Variants in TENM3 observed in about 807,000 individuals in gnomAD.
TENM3 encodes teneurin transmembrane protein 3, also known as teneurin-3.
Under a neutral mutation model 255.1 loss-of-function variants are expected in TENM3, and 63 were observed. The ratio of observed to expected loss-of-function variants is 0.25; its 90% CI spans 0.20 to 0.30. The LOEUF (loss-of-function observed/expected upper bound fraction) is 0.30, where lower values mean the gene tolerates loss of function less well. TENM3 is among the 10% of genes least tolerant of loss of function. The pLI is 1.00. For synonymous variants in TENM3, 1,306 were observed against 1,322.3 expected, an observed-to-expected ratio of 0.99 and a Z score of 0.27; for missense variants, 2,929 against 3,461.1, an observed-to-expected ratio of 0.85 and a Z score of 3.86.
At chr4:182,634,947 G>T (rs1001381470) in intron 5 of TENM3, among the ~76,000 whole-genome samples, 1 of 152,094 alleles carries the variant, frequency 6.6e-6, no homozygotes, top group Non-Finnish European at 1.5e-5. Flanking sequence ...CATTATTGAC[G>T]CATTGCTACA....
intron 12 of TENM3, among the ~76,000 whole-genome samples, chr4:182,699,571 C>A (rs1757686858): frequency 6.6e-6 from 1 of 152,042 alleles, no homozygotes; most frequent in Non-Finnish European, 1.5e-5. Flanking sequence ...ATATGCCAGG[C>A]CAGAAATTTA....
At chr4:182,650,488 T>C (rs1753156599) in intron 5 of TENM3, among the ~76,000 whole-genome samples, 1 of 150,142 alleles carries the variant, frequency 6.7e-6, no homozygotes, top group Admixed American at 6.7e-5. Flanking sequence ...TTTGGCGAAT[T>C]TTCCCTTTTT....
the TENM3 span, among the ~76,000 whole-genome samples, chr4:181,841,589 T>C: frequency 6.6e-6 from 1 of 152,218 alleles, no homozygotes; most frequent in Non-Finnish European, 1.5e-5. Context: ...TCTTTCTTTA[T>C]AGTATTCTTC....
the TENM3 span, among the ~76,000 whole-genome samples, chr4:181,758,156 G>A: frequency 6.6e-6 from 1 of 152,144 alleles, no homozygotes; most frequent in Non-Finnish European, 1.5e-5. Flanking sequence ...AGAATGTGAC[G>A]ATGGATGGAC....
At chr4:181,881,518 G>A in the TENM3 span, among the ~76,000 whole-genome samples, 6 of 152,084 alleles carry the variant, frequency 3.9e-5, no homozygotes, top group Admixed American at 2.0e-4. Flanking sequence ...ATTCATATTT[G>A]TTGACCACAT....
chr4:182,282,263 G>A (rs904883366), intron 1 of TENM3, among the ~76,000 whole-genome samples: 1 of 152,142 alleles, frequency 6.6e-6, no homozygotes, highest in Admixed American at 6.5e-5. Flanking sequence ...ACATTAGGAG[G>A]GATGGGCATC....
chr4:182,171,048 T>G (rs1007175513), intron 1 of TENM3, among the ~76,000 whole-genome samples: 1 of 152,184 alleles, frequency 6.6e-6, no homozygotes, highest in Non-Finnish European at 1.5e-5. Flanking sequence ...CAAAGAAATT[T>G]TATTAATAAA....
intron 16 of TENM3, among the ~76,000 whole-genome samples, chr4:182,735,013 A>G (rs1476258066): frequency 6.6e-6 from 1 of 152,214 alleles, no homozygotes; most frequent in Admixed American, 6.5e-5. Context: ...TTCTGGAGTC[A>G]CAGAATCTAT....
chr4:182,524,776 G>A (rs750588308), intron 3 of TENM3, among the ~76,000 whole-genome samples: 3 of 151,208 alleles, frequency 2.0e-5, no homozygotes, highest in African/African-American at 4.9e-5. Flanking sequence ...CTAAACTTTG[G>A]GAGGCCAAAG....
At chr4:181,789,493 G>A in the TENM3 span, among the ~76,000 whole-genome samples, 7 of 151,794 alleles carry the variant, frequency 4.6e-5, no homozygotes, top group African/African-American at 9.7e-5. Flanking sequence ...CTGACCTCAC[G>A]TTATCCACCC....
chr4:181,726,785 C>G, the TENM3 span, among the ~76,000 whole-genome samples: 1 of 152,234 alleles, frequency 6.6e-6, no homozygotes, highest in Non-Finnish European at 1.5e-5. Flanking sequence ...AAGATCACCC[C>G]CCACTTCCAA....
intron 6 of TENM3, among the ~76,000 whole-genome samples, chr4:182,661,704 G>T (rs968274003): frequency 6.6e-6 from 1 of 152,144 alleles, no homozygotes; most frequent in African/African-American, 2.4e-5. Context: ...TGAATCCAAG[G>T]TTAGGTCATA....
At chr4:181,822,314 T>C in the TENM3 span, among the ~76,000 whole-genome samples, 4 of 152,218 alleles carry the variant, frequency 2.6e-5, no homozygotes, top group Non-Finnish European at 4.4e-5. Flanking sequence ...TTGTTTCTTT[T>C]TGATACTTTA....
At chr4:181,709,951 A>G in the TENM3 span, among the ~76,000 whole-genome samples, 1 of 152,170 alleles carries the variant, frequency 6.6e-6, no homozygotes, top group African/African-American at 2.4e-5. Context: ...GAAGAAGTGT[A>G]TTTGAGGTGG....
chr4:182,060,535 C>T, the TENM3 span, among the ~76,000 whole-genome samples: 1 of 152,174 alleles, frequency 6.6e-6, no homozygotes, highest in East Asian at 1.9e-4. Flanking sequence ...ACTGGCCCAA[C>T]ACTCACCTCC....
chr4:181,535,126 T>A, the TENM3 span, among the ~76,000 whole-genome samples: 2 of 152,140 alleles, frequency 1.3e-5, no homozygotes, highest in Admixed American at 1.3e-4. Context: ...TCTCCGGATG[T>A]CACAGTCCCG....
At chr4:181,461,717 T>C in the TENM3 span, among the ~76,000 whole-genome samples, 2 of 152,190 alleles carry the variant, frequency 1.3e-5, no homozygotes, top group African/African-American at 4.8e-5. Context: ...CTGGGTTTCT[T>C]TTCTCTATGG....
At chr4:182,309,133 T>G (rs929089660) in intron 1 of TENM3, among the ~76,000 whole-genome samples, 19 of 152,158 alleles carry the variant, frequency 1.2e-4, no homozygotes, top group African/African-American at 4.6e-4. Flanking sequence ...CTCTGGAACT[T>G]ATCTATCCCC....
the TENM3 span, among the ~76,000 whole-genome samples, chr4:182,026,331 G>A: frequency 6.6e-6 from 1 of 151,996 alleles, no homozygotes; most frequent in African/African-American, 2.4e-5. Context: ...CTATATAGTT[G>A]TTTGAGCTCC....
Sources: allele counts gnomAD v4.1 joint callset (sites outside exome capture counted in the v4.1 genomes callset), GRCh38; gene constraint gnomAD v4.1.1; transcripts MANE v1.5; gene names NCBI Gene and HGNC (gene_info 2026-07-23, HGNC 2026-07-21).